Variants in ATRNL1 observed in about 807,000 individuals in gnomAD.
ATRNL1 encodes attractin like 1.
In ATRNL1, 95 loss-of-function variants were observed where a neutral mutation model predicts 182.7. The observed-to-expected ratio is 0.52, with a 90% CI of 0.44 to 0.62. ATRNL1 has a LOEUF of 0.62. Ranked by LOEUF, ATRNL1 falls within the 20% of genes least tolerant of loss-of-function variation. ATRNL1 has a pLI of 0.00. For missense variants in ATRNL1, 1,471 were observed against 1,679.5 expected (o/e 0.88, Z 2.17); for synonymous variants, 576 against 568.3 (o/e 1.01, Z -0.19).
intron 8 of ATRNL1, among the ~76,000 whole-genome samples, chr10:115,203,502 T>G (rs979787157): frequency 3.3e-5 from 5 of 151,874 alleles, no homozygotes; most frequent in African/African-American, 1.2e-4. Flanking sequence ...AAGTACAAAA[T>G]GTACTCTTCT....
At position 115,319,250 on chromosome 10, in the gene ATRNL1, G is replaced by T. The variant is rs1377122674; in HGVS notation, c.3037+3514G>T. Among the ~76,000 whole-genome samples, 10 of 152,170 alleles carry T rather than the reference G, an allele frequency of 6.6e-5. No individual in the cohort carries two copies. The East Asian group carries it at 1.9e-3, about 29-fold the overall frequency. On this transcript the variant is annotated intron_variant, in intron 18 of 28. Transcript: ENST00000355044. Reference sequence around the variant, plus strand: ...CTAATTTGATTGCCCTGTTGTCTGAGAGACTTTGTAATGATTTCAATTCTT... The same window carrying T: ...CTAATTTGATTGCCCTGTTGTCTGATAGACTTTGTAATGATTTCAATTCTT...
At chr10:115,854,934 G>A (rs1420877212) in intron 28 of ATRNL1, among the ~76,000 whole-genome samples, 3 of 151,956 alleles carry the variant, frequency 2.0e-5, no homozygotes, top group Non-Finnish European at 2.9e-5. Flanking sequence ...TAATCATATC[G>A]CTTCCTCATA....
chr10:115,537,254 A>G (rs1852086568), intron 25 of ATRNL1, among the ~76,000 whole-genome samples: 2 of 152,358 alleles, frequency 1.3e-5, no homozygotes, highest in South Asian at 4.1e-4. Context: ...GGTTTATCGT[A>G]CTAGACACTG....
chr10:115,815,034 A>C (rs1312830902), intron 27 of ATRNL1, among the ~76,000 whole-genome samples: 1 of 152,210 alleles, frequency 6.6e-6, no homozygotes, highest in East Asian at 1.9e-4. Flanking sequence ...TCTGAGGAGC[A>C]CATTTCCAAG....
chr10:115,800,349 T>G (rs375857495), intron 27 of ATRNL1, among the ~76,000 whole-genome samples: 53 of 152,224 alleles, frequency 3.5e-4, no homozygotes, highest in African/African-American at 1.3e-3. Flanking sequence ...CTCACTCTAA[T>G]GCCATACTTG....
intron 26 of ATRNL1, among the ~76,000 whole-genome samples, chr10:115,556,778 G>A (rs1238637008): frequency 1.3e-5 from 2 of 150,908 alleles, no homozygotes; most frequent in Non-Finnish European, 2.9e-5. Flanking sequence ...AACAACTCCT[G>A]TATATCTTGG....
Position 115,547,263 on chromosome 10 carries a change from A to ATAT in ATRNL1, c.3717-2195_3717-2194insTAT, listed in dbSNP as rs782037872. ...GAGTGAGACTCCATCTCAAAAAAAAAATATATATATATATATATAAATATA... is the reference window on the plus strand; with the variant it reads ...GAGTGAGACTCCATCTCAAAAAAAAATATATATATATATATATATATAAATATA... On this transcript the variant is annotated intron_variant, in intron 25 of 28. Coordinates refer to ENST00000355044, the MANE Select transcript of ATRNL1 (RefSeq NM_207303.4). 2.3e-3 allele frequency among the ~76,000 whole-genome samples: 316 copies of ATAT among 136,806 alleles called. 5 individuals carry two copies. The East Asian group carries it at 0.05, about 22-fold the overall frequency. 89.8% of individuals were successfully genotyped at this position (136,806 alleles called of 152,430 possible).
intron 26 of ATRNL1, among the ~76,000 whole-genome samples, chr10:115,631,299 A>G (rs1199663569): frequency 6.6e-6 from 1 of 152,126 alleles, no homozygotes; most frequent in African/African-American, 2.4e-5. Context: ...CACTATGTAT[A>G]TGTATATCAA....
chr10:115,798,489 T>C (rs1555083540), intron 27 of ATRNL1, among the ~76,000 whole-genome samples: 1 of 152,184 alleles, frequency 6.6e-6, no homozygotes, highest in East Asian at 1.9e-4. Context: ...GTGGCTTTCA[T>C]GCACCATACC....
intron 18 of ATRNL1, 109 bp from the exon 19 acceptor site, chr10:115,334,173 C>CT (rs1855369927): frequency 1.5e-6 from 1 of 669,020 alleles, no homozygotes; most frequent in Admixed American, 3.7e-5. Context: ...GGAAGATGCT[C>CT]TTTGGGCACT....
chr10:115,146,456 T>C (rs1845975026), intron 5 of ATRNL1, among the ~76,000 whole-genome samples: 2 of 152,162 alleles, frequency 1.3e-5, no homozygotes, highest in South Asian at 4.1e-4. Context: ...TGAGTATTTA[T>C]CATTTCTGTG....
intron 27 of ATRNL1, among the ~76,000 whole-genome samples, chr10:115,788,272 C>T (rs149216680): frequency 7.9e-5 from 12 of 152,262 alleles, no homozygotes; most frequent in Admixed American, 2.0e-4. Context: ...CTGAACTTCC[C>T]CATAGAATAG....
At chr10:115,115,204 A>G (rs1361342337) in intron 1 of ATRNL1, among the ~76,000 whole-genome samples, 2 of 152,026 alleles carry the variant, frequency 1.3e-5, no homozygotes, top group Non-Finnish European at 2.9e-5. Flanking sequence ...AGAGAGTAGA[A>G]TGGGGGTTAC....
intron 14 of ATRNL1, among the ~76,000 whole-genome samples, chr10:115,283,721 A>G (rs1339209730): frequency 6.6e-6 from 1 of 152,212 alleles, no homozygotes; most frequent in Non-Finnish European, 1.5e-5. Flanking sequence ...TAAGATTTGA[A>G]TGAAGGAATG....
intron 20 of ATRNL1, among the ~76,000 whole-genome samples, chr10:115,396,042 G>T (rs562915860): frequency 2.1e-4 from 32 of 151,704 alleles, no homozygotes; most frequent in Non-Finnish European, 4.4e-4. Flanking sequence ...CATGGAAAAT[G>T]ATCCTTTTAT....
chr10:115,167,901 T>C (rs1847118605), intron 7 of ATRNL1, among the ~76,000 whole-genome samples: 1 of 152,132 alleles, frequency 6.6e-6, no homozygotes, highest in African/African-American at 2.4e-5. Context: ...TGCAGATTTA[T>C]GTAAGATTAC....
chr10:115,775,926 C>T (rs187132836), intron 27 of ATRNL1, among the ~76,000 whole-genome samples: 139 of 146,992 alleles, frequency 9.5e-4, no homozygotes, highest in Non-Finnish European at 1.7e-3. Flanking sequence ...CCATTGCACT[C>T]CAACCTGGGC....
At chr10:115,515,249 G>T (rs73373310) in intron 24 of ATRNL1, among the ~76,000 whole-genome samples, 2 of 149,814 alleles carry the variant, frequency 1.3e-5, no homozygotes, top group Middle Eastern at 7.0e-3. Flanking sequence ...TCATTTACCC[G>T]TACCAGTTTA....
chr10:115,413,672 C>A (rs1427639034), intron 20 of ATRNL1, among the ~76,000 whole-genome samples: 2 of 152,028 alleles, frequency 1.3e-5, no homozygotes, highest in Admixed American at 6.6e-5. Context: ...ATGTGACACA[C>A]CTATCATTTT....
Sources: gnomAD v4.1 joint callset for allele counts (sites outside exome capture counted in the v4.1 genomes callset) on GRCh38, gnomAD v4.1.1 for gene constraint, MANE v1.5 for transcripts, NCBI Gene and HGNC (gene_info 2026-07-23, HGNC 2026-07-21) for gene names.